The following HDAC9 variants were observed in gnomAD, a reference collection of about 807,000 sequenced individuals.
The protein encoded by HDAC9 is histone deacetylase 9, also known as MEF-2 interacting transcription repressor (MITR) protein.
In HDAC9, 41 loss-of-function variants were observed where a neutral mutation model predicts 139.4. The ratio of observed to expected loss-of-function variants is 0.29; its 90% CI spans 0.23 to 0.38. The LOEUF (loss-of-function observed/expected upper bound fraction) is 0.38, where lower values mean the gene tolerates loss of function less well. Ranked by LOEUF, HDAC9 falls within the 10% of genes least tolerant of loss-of-function variation. The probability of loss-of-function intolerance (pLI) is 1.00; values close to 1 mark genes in which losing one functional copy is unlikely to be tolerated. For synonymous variants in HDAC9, 517 were observed against 476.2 expected, an observed-to-expected ratio of 1.09 and a Z score of -1.12; for missense variants, 1,147 against 1,297.0, an observed-to-expected ratio of 0.88 and a Z score of 1.78.
chr7:18,906,991 A>T (rs1165817236), intron 22 of HDAC9: 1 of 152,236 alleles, frequency 6.6e-6, no homozygotes, highest in Non-Finnish European at 1.5e-5. Flanking sequence ...GGAAAGAGAA[A>T]ACACAAGATG....
At chr7:18,267,001 C>T (rs934697226) in intron 2 of HDAC9, among the ~76,000 whole-genome samples, 70 of 152,092 alleles carry the variant, frequency 4.6e-4, no homozygotes, top group African/African-American at 1.5e-3. Flanking sequence ...TAGGTTTTAA[C>T]CTGACTTCTG....
At chr7:18,806,573 G>C (rs1467220835) in intron 17 of HDAC9, among the ~76,000 whole-genome samples, 1 of 152,164 alleles carries the variant, frequency 6.6e-6, no homozygotes, top group South Asian at 2.1e-4. Context: ...GTTGGAAAAG[G>C]CTCTATGCTT....
At chr7:18,430,587 A>G (rs1165130200) in intron 1 of HDAC9, 1 of 152,202 alleles carries the variant, frequency 6.6e-6, no homozygotes, top group Non-Finnish European at 1.5e-5. Context: ...TTCATTAAGT[A>G]AAACCCTCAC....
At chr7:18,605,615 T>C (rs1300807228) in intron 6 of HDAC9, among the ~76,000 whole-genome samples, 1 of 152,178 alleles carries the variant, frequency 6.6e-6, no homozygotes, top group African/African-American at 2.4e-5. Context: ...AGAAACTGGT[T>C]GGGTTCCTGG....
chr7:18,921,375 A>G (rs924928749), intron 22 of HDAC9, among the ~76,000 whole-genome samples: 6 of 152,182 alleles, frequency 3.9e-5, no homozygotes, highest in African/African-American at 1.4e-4. Flanking sequence ...TGAACTCAAC[A>G]AATTTACAAG....
At chr7:18,844,378 G>A (rs1451852534) in intron 21 of HDAC9, among the ~76,000 whole-genome samples, 2 of 152,070 alleles carry the variant, frequency 1.3e-5, no homozygotes, top group Non-Finnish European at 2.9e-5. Flanking sequence ...GGAGAGAAGA[G>A]GACAAAATAG....
intron 1 of HDAC9, among the ~76,000 whole-genome samples, chr7:18,404,453 C>T (rs551441836): frequency 3.8e-4 from 58 of 152,268 alleles, no homozygotes; most frequent in Middle Eastern, 3.4e-3. Context: ...GCTAGGATTA[C>T]GCTAGACTGT....
chr7:18,378,397 G>C (rs1785165793), intron 1 of HDAC9, among the ~76,000 whole-genome samples: 1 of 151,642 alleles, frequency 6.6e-6, no homozygotes, highest in African/African-American at 2.4e-5. Flanking sequence ...AACTTTATGT[G>C]TATACTTAGA....
At chr7:18,664,021 T>G (rs1411300688) in intron 11 of HDAC9, among the ~76,000 whole-genome samples, 1 of 152,200 alleles carries the variant, frequency 6.6e-6, no homozygotes, top group Non-Finnish European at 1.5e-5. Context: ...CTCGTTTCTA[T>G]GCTGTTGCAT....
intron 1 of HDAC9, among the ~76,000 whole-genome samples, chr7:18,160,991 A>G (rs900473358): frequency 3.3e-5 from 5 of 152,212 alleles, no homozygotes; most frequent in African/African-American, 1.2e-4. Flanking sequence ...TTTCATTTTT[A>G]TCTTTCTGTA....
intron 1 of HDAC9, among the ~76,000 whole-genome samples, chr7:18,115,417 CA>C: frequency 6.6e-6 from 1 of 151,972 alleles, no homozygotes; most frequent in South Asian, 2.1e-4. Flanking sequence ...TTTTAGATGA[CA>C]AAAAAATTGG....
At chr7:18,221,713 T>G (rs1278556949) in intron 2 of HDAC9, among the ~76,000 whole-genome samples, 1 of 152,130 alleles carries the variant, frequency 6.6e-6, no homozygotes, top group Non-Finnish European at 1.5e-5. Context: ...AACAGCAATG[T>G]TAATTTTTTT....
intron 1 of HDAC9, among the ~76,000 whole-genome samples, chr7:18,375,484 A>AG (rs1472795626): frequency 6.8e-6 from 1 of 146,788 alleles, no homozygotes; most frequent in African/African-American, 2.7e-5. Context: ...AACAACAACA[A>AG]CAAAAAAAAA....
chr7:18,724,794 A>G (rs1445197622), intron 12 of HDAC9, among the ~76,000 whole-genome samples: 1 of 152,180 alleles, frequency 6.6e-6, no homozygotes, highest in Non-Finnish European at 1.5e-5. Flanking sequence ...ATAAGCATAA[A>G]AAAGGTTCTG....
chr7:18,533,154 C>A (rs1030463831), intron 2 of HDAC9, among the ~76,000 whole-genome samples: 4 of 152,044 alleles, frequency 2.6e-5, no homozygotes, highest in African/African-American at 9.7e-5. Flanking sequence ...CAAAATCGTA[C>A]CCTCTATTTA....
At chr7:18,926,501 A>G (rs1804240875) in intron 22 of HDAC9, among the ~76,000 whole-genome samples, 1 of 152,162 alleles carries the variant, frequency 6.6e-6, no homozygotes, top group Non-Finnish European at 1.5e-5. Flanking sequence ...AGGTAATATA[A>G]CTGAGGTTCA....
chr7:18,094,608 A>G (rs1239374426), intron 1 of HDAC9, among the ~76,000 whole-genome samples: 1 of 152,026 alleles, frequency 6.6e-6, no homozygotes, highest in East Asian at 1.9e-4. Context: ...ATTAAAAAAA[A>G]TTATTTATTG....
At chr7:18,530,931 T>C (rs2128235893) in intron 2 of HDAC9, among the ~76,000 whole-genome samples, 1 of 151,924 alleles carries the variant, frequency 6.6e-6, no homozygotes, top group Non-Finnish European at 1.5e-5. Flanking sequence ...ATCCTCTATT[T>C]CACTTCAGCT....
chr7:18,176,282 C>T (rs1178807495), intron 2 of HDAC9, among the ~76,000 whole-genome samples: 1 of 152,120 alleles, frequency 6.6e-6, no homozygotes, highest in East Asian at 1.9e-4. Context: ...CCAGTGCTTT[C>T]TGAAGATCCA....
Sources: gnomAD v4.1 joint callset for allele counts (sites outside exome capture counted in the v4.1 genomes callset) on GRCh38, gnomAD v4.1.1 for gene constraint, MANE v1.5 for transcripts, NCBI Gene and HGNC (gene_info 2026-07-23, HGNC 2026-07-21) for gene names.